Variants in KCNH1 observed in about 807,000 individuals in gnomAD.
KCNH1 encodes the protein voltage-gated delayed rectifier potassium channel KCNH1.
In KCNH1, 27 loss-of-function variants were observed where a neutral mutation model predicts 69.2. The ratio of observed to expected loss-of-function variants is 0.39; its 90% confidence interval spans 0.29 to 0.54. The LOEUF is 0.54. Among genes scored for constraint, KCNH1 ranks in the 20% least tolerant of loss-of-function variants. KCNH1 has a pLI of 0.68. For synonymous variants in KCNH1, 456 were observed against 487.7 expected, an observed-to-expected ratio of 0.93 and a Z score of 0.86; for missense variants, 798 against 1,261.6, an observed-to-expected ratio of 0.63 and a Z score of 5.57.
intron 6 of KCNH1, among the ~76,000 whole-genome samples, chr1:210,983,947 T>C (rs962355685): frequency 5.3e-5 from 8 of 152,218 alleles, no homozygotes; most frequent in African/African-American, 1.2e-4. Flanking sequence ...TTTTATTGCA[T>C]TGAGCAGTGG....
intron 7 of KCNH1, among the ~76,000 whole-genome samples, chr1:210,815,245 G>T (rs1408002759): frequency 6.6e-6 from 1 of 152,194 alleles, no homozygotes; most frequent in Non-Finnish European, 1.5e-5. Context: ...TAAATACTCA[G>T]TACTTCCCTA....
chr1:211,114,358 G>C (rs187468221), intron 1 of KCNH1, among the ~76,000 whole-genome samples: 1 of 152,088 alleles, frequency 6.6e-6, no homozygotes, highest in Admixed American at 6.5e-5. Context: ...GGAAGAGCTC[G>C]AGATACCACT....
At chr1:210,906,018 C>T (rs957500724) in intron 7 of KCNH1, among the ~76,000 whole-genome samples, 1 of 152,370 alleles carries the variant, frequency 6.6e-6, no homozygotes, top group East Asian at 1.9e-4. Context: ...ACTTCCTCTT[C>T]TGGCTTGGTT....
At chr1:210,885,695 G>C (rs1686588768) in intron 7 of KCNH1, among the ~76,000 whole-genome samples, 1 of 152,138 alleles carries the variant, frequency 6.6e-6, no homozygotes, top group Non-Finnish European at 1.5e-5. Context: ...TGGGACACTT[G>C]AGCTTGGTAG....
chr1:210,699,067 G>A (rs561542003), intron 10 of KCNH1, among the ~76,000 whole-genome samples: 214 of 152,282 alleles, frequency 1.4e-3, no homozygotes, highest in Non-Finnish European at 2.4e-3. Context: ...CTCTGTCCCC[G>A]TATTTTGGAC....
At chr1:211,044,572 A>T (rs2102434700) in intron 5 of KCNH1, among the ~76,000 whole-genome samples, 2 of 152,280 alleles carry the variant, frequency 1.3e-5, no homozygotes, top group Non-Finnish European at 2.9e-5. Context: ...AAGAAAAAAA[A>T]ATTAATCCCA....
intron 6 of KCNH1, among the ~76,000 whole-genome samples, chr1:210,992,585 T>A (rs1442198513): frequency 6.7e-6 from 1 of 150,354 alleles, no homozygotes; most frequent in African/African-American, 2.4e-5. Context: ...TTTTAACATA[T>A]TTTTTTGGAT....
At chr1:210,917,277 AAG>A (rs1553359770) in intron 7 of KCNH1, among the ~76,000 whole-genome samples, 3 of 150,086 alleles carry the variant, frequency 2.0e-5, no homozygotes, top group Non-Finnish European at 3.0e-5. Flanking sequence ...GAAAGAAAGA[AAG>A]AAAAGAAAAG....
chr1:210,928,299 T>C (rs188065158), intron 6 of KCNH1, among the ~76,000 whole-genome samples: 119 of 152,264 alleles, frequency 7.8e-4, no homozygotes, highest in Non-Finnish European at 1.5e-3. Flanking sequence ...TTCTCCAAGA[T>C]AGACCATATG....
intron 1 of KCNH1, among the ~76,000 whole-genome samples, chr1:211,121,750 C>T (rs982324768): frequency 6.6e-6 from 1 of 152,170 alleles, no homozygotes; most frequent in African/African-American, 2.4e-5. Context: ...AGATAGCCTA[C>T]AGAATGGGAG....
intron 7 of KCNH1, among the ~76,000 whole-genome samples, chr1:210,806,825 A>AT (rs1558477793): frequency 9.0e-4 from 54 of 59,906 alleles, no homozygotes; most frequent in Non-Finnish European, 1.0e-3. Context: ...AAAAAAAAAA[A>AT]AAAAAAAAAA....
At chr1:210,799,775 A>G (rs775784187) in intron 8 of KCNH1, among the ~76,000 whole-genome samples, 6 of 152,158 alleles carry the variant, frequency 3.9e-5, no homozygotes, top group Non-Finnish European at 8.8e-5. Context: ...ATTTGCCACT[A>G]TATCTGCTGC....
intron 10 of KCNH1, among the ~76,000 whole-genome samples, chr1:210,745,655 TTC>T (rs1302152034): frequency 6.6e-6 from 1 of 152,210 alleles, no homozygotes; most frequent in East Asian, 1.9e-4. Flanking sequence ...AACTAGCTTT[TTC>T]TACTATCCCA....
chr1:210,745,863 G>T (rs1026811642), intron 10 of KCNH1, among the ~76,000 whole-genome samples: 3 of 152,200 alleles, frequency 2.0e-5, no homozygotes, highest in Admixed American at 2.0e-4. Context: ...TCTGGGAGAA[G>T]GACCCAGGCC....
chr1:211,114,059 C>T (rs900065367), intron 1 of KCNH1, among the ~76,000 whole-genome samples: 7 of 151,628 alleles, frequency 4.6e-5, no homozygotes, highest in African/African-American at 1.7e-4. Flanking sequence ...GGCAGAGGTA[C>T]CAAGTTTCAT....
At chr1:210,861,514 T>C (rs1685977550) in intron 7 of KCNH1, 1 of 773,766 alleles carries the variant, frequency 1.3e-6, no homozygotes, top group South Asian at 1.3e-5. Context: ...TCCATTATGA[T>C]AACTCAGGTC....
intron 7 of KCNH1, among the ~76,000 whole-genome samples, chr1:210,828,825 T>C (rs1685093674): frequency 6.6e-6 from 1 of 152,232 alleles, no homozygotes. Context: ...GCTAATGCTC[T>C]GAGCCATCCC....
At chr1:210,914,611 G>A (rs1339510207) in intron 7 of KCNH1, among the ~76,000 whole-genome samples, 1 of 152,114 alleles carries the variant, frequency 6.6e-6, no homozygotes, top group Non-Finnish European at 1.5e-5. Context: ...GGAAACACTA[G>A]TGTGTGCCCA....
intron 9 of KCNH1, among the ~76,000 whole-genome samples, chr1:210,795,960 AAAACACACACACAC>A (rs1358849593): frequency 1.9e-4 from 13 of 68,440 alleles, no homozygotes; most frequent in African/African-American, 2.6e-4. Flanking sequence ...ATCTCTACTA[AAAACACACACACAC>A]ACACACACAC....
Sources: gnomAD v4.1 joint callset for allele counts (sites outside exome capture counted in the v4.1 genomes callset) on GRCh38, gnomAD v4.1.1 for gene constraint, MANE v1.5 for transcripts, NCBI Gene and HGNC (gene_info 2026-07-23, HGNC 2026-07-21) for gene names.